Variants in BICD1 observed in about 807,000 individuals in gnomAD.
The protein encoded by BICD1 is BICD cargo adaptor 1.
Under a neutral mutation model 92.5 loss-of-function variants are expected in BICD1, and 35 were observed. The ratio of observed to expected loss-of-function variants is 0.38; its 90% CI spans 0.29 to 0.50. The LOEUF is 0.50. Ranked by LOEUF, BICD1 falls within the 20% of genes least tolerant of loss-of-function variation. The pLI is 0.93. For synonymous variants in BICD1, 429 were observed against 465.1 expected (o/e 0.92, Z 1.00); for missense variants, 950 against 1,189.8 (o/e 0.80, Z 2.97).
At chr12:32,272,549 G>T (rs1947169415) in intron 2 of BICD1, among the ~76,000 whole-genome samples, 1 of 152,080 alleles carries the variant, frequency 6.6e-6, no homozygotes. Context: ...GGTTTGGGGA[G>T]TTCCTTCAGA....
intron 5 of BICD1, among the ~76,000 whole-genome samples, chr12:32,330,666 G>A (rs1937817635): frequency 6.6e-6 from 1 of 151,748 alleles, no homozygotes; most frequent in Non-Finnish European, 1.5e-5. Context: ...TTTTAGGTCG[G>A]AATAAAGGAA....
intron 8 of BICD1, chr12:32,339,312 C>T (rs950409375): frequency 1.7e-5 from 17 of 1,026,340 alleles, no homozygotes; most frequent in Admixed American, 5.8e-5. Flanking sequence ...CCATCTTGGT[C>T]AGATTTGGCC....
At chr12:32,360,768 A>T (rs1186156030) in intron 8 of BICD1, among the ~76,000 whole-genome samples, 3 of 152,198 alleles carry the variant, frequency 2.0e-5, no homozygotes, top group African/African-American at 7.2e-5. Flanking sequence ...TATGGTCTTC[A>T]CTTAGCCTGA....
intron 1 of BICD1, among the ~76,000 whole-genome samples, chr12:32,173,707 A>G (rs951383219): frequency 6.6e-6 from 1 of 152,224 alleles, no homozygotes; most frequent in Non-Finnish European, 1.5e-5. Flanking sequence ...TCAACTTTCT[A>G]GAAATTATTA....
intron 1 of BICD1, among the ~76,000 whole-genome samples, chr12:32,188,598 G>C (rs1198361860): frequency 6.6e-6 from 1 of 152,346 alleles, no homozygotes; most frequent in Non-Finnish European, 1.5e-5. Flanking sequence ...AAGAGAGACA[G>C]AGTATGTGCA....
chr12:32,110,450 C>T (rs1941643029), intron 1 of BICD1, among the ~76,000 whole-genome samples: 1 of 152,112 alleles, frequency 6.6e-6, no homozygotes, highest in Non-Finnish European at 1.5e-5. Context: ...AAAGTGTTCT[C>T]CTTTTCATGA....
At chr12:32,273,548 A>G (rs1947197436) in intron 2 of BICD1, among the ~76,000 whole-genome samples, 1 of 151,864 alleles carries the variant, frequency 6.6e-6, no homozygotes. Context: ...AAGCCATTAT[A>G]CCCCCGTCAC....
At chr12:32,299,366 C>T (rs796491321) in intron 3 of BICD1, among the ~76,000 whole-genome samples, 26 of 152,258 alleles carry the variant, frequency 1.7e-4, no homozygotes, top group African/African-American at 5.5e-4. Flanking sequence ...CTTACAACAA[C>T]GGCACAGAAA....
Position 32,258,965 on chromosome 12 carries a change from CAG to C in BICD1, c.427-35026_427-35025del, listed in dbSNP as rs560866523. 3.5e-4 allele frequency among the ~76,000 whole-genome samples: 53 copies of C among 152,240 alleles called. No individual in the cohort carries two copies. The East Asian group carries it at 9.7e-3, about 28-fold the overall frequency. ...AACCTCCCACAAGAAGCTGGTGGAG[CAG>C]AGTGTTCCCTGAGTCCTCCAAGGAA... On this transcript the variant is annotated intron_variant, in intron 2 of 9. Coordinates refer to ENST00000652176, the MANE Select transcript of BICD1 (RefSeq NM_001714.4).
At chr12:32,199,284 G>C (rs1944831604) in intron 1 of BICD1, among the ~76,000 whole-genome samples, 1 of 152,182 alleles carries the variant, frequency 6.6e-6, no homozygotes, top group South Asian at 2.1e-4. Flanking sequence ...AAGAAGTTCA[G>C]AGGTAAGTAG....
At chr12:32,255,907 A>T (rs200789681) in intron 2 of BICD1, among the ~76,000 whole-genome samples, 1 of 152,168 alleles carries the variant, frequency 6.6e-6, no homozygotes, top group Non-Finnish European at 1.5e-5. Flanking sequence ...CCCTTAATCA[A>T]TGTTGACTCG....
intron 6 of BICD1, among the ~76,000 whole-genome samples, chr12:32,335,154 A>ATTTTT (rs11326277): frequency 8.8e-5 from 13 of 147,586 alleles, no homozygotes; most frequent in African/African-American, 3.2e-4. Context: ...ATTACTTATA[A>ATTTTT]TTTTTTTTTT....
chr12:32,186,065 A>C (rs560637304), intron 1 of BICD1, among the ~76,000 whole-genome samples: 1 of 152,228 alleles, frequency 6.6e-6, no homozygotes, highest in Middle Eastern at 3.2e-3. Flanking sequence ...CATAGAGGCA[A>C]TGTTTCCAGG....
chr12:32,274,437 T>A (rs1028097701), intron 2 of BICD1, among the ~76,000 whole-genome samples: 1 of 152,218 alleles, frequency 6.6e-6, no homozygotes, highest in African/African-American at 2.4e-5. Context: ...TTTCTACTTA[T>A]GAAAGTTATT....
intron 8 of BICD1, among the ~76,000 whole-genome samples, chr12:32,361,493 C>T (rs1939322787): frequency 6.9e-6 from 1 of 144,446 alleles, no homozygotes; most frequent in African/African-American, 2.6e-5. Context: ...GTGGAGTTTG[C>T]AATGAGCCAA....
At chr12:32,294,908 C>G (rs2136195417) in intron 3 of BICD1, among the ~76,000 whole-genome samples, 1 of 151,504 alleles carries the variant, frequency 6.6e-6, no homozygotes, top group East Asian at 1.9e-4. Flanking sequence ...ATGATGAAAC[C>G]CCGTCTCTAC....
chr12:32,310,360 G>T (rs1329992216), intron 4 of BICD1, among the ~76,000 whole-genome samples: 2 of 152,204 alleles, frequency 1.3e-5, no homozygotes, highest in African/African-American at 4.8e-5. Context: ...GACATTGTGG[G>T]AGAGGCAATC....
intron 2 of BICD1, among the ~76,000 whole-genome samples, chr12:32,236,786 CCTCA>C (rs1946084701): frequency 6.6e-6 from 1 of 151,974 alleles, no homozygotes; most frequent in Non-Finnish European, 1.5e-5. Flanking sequence ...AGTGAAACAG[CCTCA>C]TTGCCGATAT....
chr12:32,278,066 C>T (rs1286197456), intron 2 of BICD1, among the ~76,000 whole-genome samples: 1 of 152,112 alleles, frequency 6.6e-6, no homozygotes, highest in East Asian at 1.9e-4. Flanking sequence ...CCTCTCTTTG[C>T]AGCCAGGTCA....
Sources: gnomAD v4.1 joint callset for allele counts (sites outside exome capture counted in the v4.1 genomes callset) on GRCh38, gnomAD v4.1.1 for gene constraint, MANE v1.5 for transcripts, NCBI Gene and HGNC (gene_info 2026-07-23, HGNC 2026-07-21) for gene names.